The following DLG2 variants were observed in gnomAD, a reference collection of about 807,000 sequenced individuals.
The protein encoded by DLG2 is disks large homolog 2.
DLG2 carries 45 observed loss-of-function variants against 132.5 expected under a neutral mutation model. The observed-to-expected ratio is 0.34, with a 90% confidence interval of 0.27 to 0.44. The LOEUF is 0.44. Among genes scored for constraint, DLG2 ranks in the 20% least tolerant of loss-of-function variants. The pLI, the probability that DLG2 is intolerant of heterozygous loss-of-function variation, is 1.00. For synonymous variants in DLG2, 424 were observed against 419.6 expected (o/e 1.01, Z -0.13); for missense variants, 1,045 against 1,196.9 (o/e 0.87, Z 1.87).
At chr11:85,375,500 C>CA (rs2085334339) in intron 3 of DLG2, among the ~76,000 whole-genome samples, 1 of 152,102 alleles carries the variant, frequency 6.6e-6, no homozygotes, top group Non-Finnish European at 1.5e-5. Context: ...GCAACATAGC[C>CA]AGACCTGTTT....
Position 85,320,905 on chromosome 11 carries a change from A to AT in DLG2, c.41-35541dup, listed in dbSNP as rs148389578. ...GGTGGCTTATTGTTTAGACCTTTGG[A>AT]TTTTTTTTTTCAGTAAGGAAAATCA... is the stretch of plus-strand genomic sequence containing the variant. On this transcript the variant is annotated intron_variant, in intron 3 of 27. Transcript: ENST00000376104. 6.8e-3 allele frequency among the ~76,000 whole-genome samples: 1,019 copies of AT among 150,048 alleles called. 12 individuals carry two copies. The highest frequency in any genetic ancestry group is 0.023 in the African/African-American group (942 of 40,984).
chr11:85,269,198 C>T (rs1013462223), intron 4 of DLG2, among the ~76,000 whole-genome samples: 8 of 152,158 alleles, frequency 5.3e-5, no homozygotes, highest in Non-Finnish European at 1.5e-5. Flanking sequence ...TTCAACTTCT[C>T]CCTTGTAGAA....
intron 7 of DLG2, among the ~76,000 whole-genome samples, chr11:84,406,056 AAG>A (rs2098847804): frequency 6.6e-6 from 1 of 152,128 alleles, no homozygotes; most frequent in Non-Finnish European, 1.5e-5. Flanking sequence ...CTTTTCTGCC[AAG>A]AGTCATTTTC....
At position 84,753,266 on chromosome 11, in the gene DLG2, C is replaced by T. The variant is rs12293556; in HGVS notation, c.358-218535G>A. Among the ~76,000 whole-genome samples the T allele has an allele frequency of 2.9e-3, 438 of 152,254 alleles. 3 individuals are homozygous for T. Among genetic ancestry groups the T allele is most frequent in the African/African-American group, 9.9e-3 (413 of 41,538 alleles). On this transcript the variant is annotated intron_variant, in intron 6 of 27. Coordinates refer to ENST00000376104, the MANE Select transcript of DLG2 (RefSeq NM_001142699.3). The stretch of plus-strand genomic sequence containing the variant: ...CAATTTCCCGTTAAAATAGACCTTT[C>T]TGGCCGTTGGATAAAGATGTGACTG...
chr11:83,846,939 G>A (rs56208633), intron 16 of DLG2, among the ~76,000 whole-genome samples: 98 of 94,474 alleles, frequency 1.0e-3, no homozygotes, highest in South Asian at 1.6e-3. Context: ...TATCTCCCAA[G>A]CCAAAAAAAA....
intron 6 of DLG2, among the ~76,000 whole-genome samples, chr11:84,877,881 C>A (rs2086638555): frequency 6.6e-6 from 1 of 151,990 alleles, no homozygotes; most frequent in South Asian, 2.1e-4. Context: ...AAAAAAACAA[C>A]CCCATCAAAA....
intron 3 of DLG2, among the ~76,000 whole-genome samples, chr11:85,426,979 T>G (rs1049424842): frequency 1.3e-5 from 2 of 152,118 alleles, no homozygotes; most frequent in Admixed American, 1.3e-4. Context: ...ACGTGATGAA[T>G]GCACAAGCCT....
chr11:83,906,474 C>A lies in DLG2; in HGVS notation c.1496+23854G>T, dbSNP rs1596258633. 3.9e-5 allele frequency among the ~76,000 whole-genome samples: 6 copies of A among 152,070 alleles called. No individual in the cohort carries two copies. The East Asian group carries it at 1.2e-3, about 30-fold the overall frequency. ...ACAATATGGTAGAGGAGGTAAGCCT[C>A]ATAAGAAAGTTGATCACTCATTCAT... On this transcript the variant is annotated intron_variant, in intron 15 of 27. Coordinates refer to ENST00000376104, the MANE Select transcript of DLG2 (RefSeq NM_001142699.3).
At chr11:84,244,537 T>C (rs1448663585) in intron 8 of DLG2, among the ~76,000 whole-genome samples, 1 of 152,162 alleles carries the variant, frequency 6.6e-6, no homozygotes, top group South Asian at 2.1e-4. Context: ...ATTGTGGCAG[T>C]TGAGAAATGA....
At chr11:84,617,232 G>A (rs1427938802) in intron 6 of DLG2, among the ~76,000 whole-genome samples, 1 of 151,712 alleles carries the variant, frequency 6.6e-6, no homozygotes, top group Non-Finnish European at 1.5e-5. Flanking sequence ...AGGACATGCA[G>A]TATTTGGTTT....
At chr11:85,239,919 G>A (rs2075793515) in intron 4 of DLG2, among the ~76,000 whole-genome samples, 1 of 151,842 alleles carries the variant, frequency 6.6e-6, no homozygotes, top group African/African-American at 2.4e-5. Flanking sequence ...ATATACCTAG[G>A]ACTAGAAATT....
intron 6 of DLG2, among the ~76,000 whole-genome samples, chr11:84,712,755 C>T (rs2060590830): frequency 6.6e-6 from 1 of 152,104 alleles, no homozygotes; most frequent in South Asian, 2.1e-4. Context: ...ATTTTTACAA[C>T]AGTCCTGAAA....
intron 3 of DLG2, among the ~76,000 whole-genome samples, chr11:85,428,729 A>G (rs971027386): frequency 6.6e-6 from 1 of 152,258 alleles, no homozygotes; most frequent in African/African-American, 2.4e-5. Context: ...TAGAGAAGCA[A>G]GAGCAAACAC....
At chr11:84,163,329 C>T in intron 9 of DLG2, 132 bp downstream of exon 9, 1 of 713,280 alleles carries the variant, frequency 1.4e-6, no homozygotes, top group Non-Finnish European at 2.2e-6. Flanking sequence ...TTAATATTCT[C>T]ATTGTGAGTC....
At chr11:85,536,936 T>C (rs1318832043) in intron 3 of DLG2, among the ~76,000 whole-genome samples, 1 of 152,214 alleles carries the variant, frequency 6.6e-6, no homozygotes, top group Non-Finnish European at 1.5e-5. Context: ...GAGGTGAAGC[T>C]GATTGGGCTT....
intron 6 of DLG2, among the ~76,000 whole-genome samples, chr11:84,761,559 A>G (rs971366616): frequency 3.9e-5 from 6 of 152,194 alleles, no homozygotes; most frequent in African/African-American, 1.4e-4. Context: ...AGGCAGAAGA[A>G]CATGGAAAGA....
intron 7 of DLG2, among the ~76,000 whole-genome samples, chr11:84,446,196 CAATT>C (rs2099034309): frequency 6.6e-6 from 1 of 151,912 alleles, no homozygotes; most frequent in Non-Finnish European, 1.5e-5. Flanking sequence ...CATTTTTAAT[CAATT>C]GTTTATACCA....
chr11:85,191,512 C>T (rs919324886), intron 4 of DLG2, among the ~76,000 whole-genome samples: 5 of 152,152 alleles, frequency 3.3e-5, no homozygotes, highest in African/African-American at 1.2e-4. Context: ...AAAAAATTTA[C>T]TGACACGCTC....
intron 3 of DLG2, among the ~76,000 whole-genome samples, chr11:85,527,502 C>G (rs1025306904): frequency 1.3e-5 from 2 of 152,122 alleles, no homozygotes; most frequent in African/African-American, 4.8e-5. Flanking sequence ...CAGCTTCATT[C>G]ATGTCCCTGC....
Sources: gnomAD v4.1 joint callset for allele counts (sites outside exome capture counted in the v4.1 genomes callset) on GRCh38, gnomAD v4.1.1 for gene constraint, MANE v1.5 for transcripts, NCBI Gene and HGNC (gene_info 2026-07-23, HGNC 2026-07-21) for gene names.